The following VAV3 variants were observed in gnomAD, a reference collection of about 807,000 sequenced individuals.
VAV3 encodes the protein guanine nucleotide exchange factor VAV3.
VAV3 carries 94 observed loss-of-function variants against 131.2 expected under a neutral mutation model. That is an observed-to-expected ratio of 0.72 (90% CI 0.61 to 0.85). The LOEUF is 0.85. Ranked by LOEUF, VAV3 falls within the 40% of genes least tolerant of loss-of-function variation. VAV3 has a pLI of 0.00. For missense variants in VAV3, 939 were observed against 1,002.7 expected (o/e 0.94, Z 0.86); for synonymous variants, 349 against 342.0 (o/e 1.02, Z -0.22).
At chr1:107,662,626 C>T (rs1657106283) in intron 19 of VAV3, among the ~76,000 whole-genome samples, 1 of 152,120 alleles carries the variant, frequency 6.6e-6, no homozygotes, top group African/African-American at 2.4e-5. Flanking sequence ...CTTCTTATAG[C>T]CCAAATGCAA....
intron 20 of VAV3, among the ~76,000 whole-genome samples, chr1:107,638,506 T>C (rs1655099274): frequency 6.6e-6 from 1 of 152,146 alleles, no homozygotes; most frequent in African/African-American, 2.4e-5. Flanking sequence ...CTCTGAAAAC[T>C]GCAAAACACT....
chr1:107,950,300 G>A (rs1469616319), intron 1 of VAV3, among the ~76,000 whole-genome samples: 1 of 152,168 alleles, frequency 6.6e-6, no homozygotes, highest in East Asian at 1.9e-4. Context: ...TGTAAAGTTT[G>A]GCACAGTTGC....
intron 23 of VAV3, 58 bp downstream of exon 23, chr1:107,602,989 G>T: frequency 2.2e-6 from 3 of 1,386,728 alleles, no homozygotes; most frequent in South Asian, 1.2e-5. Flanking sequence ...ATGTCAGATG[G>T]TCTATGCAAT....
At chr1:107,734,417 T>C (rs1353353218) in intron 15 of VAV3, among the ~76,000 whole-genome samples, 2 of 152,078 alleles carry the variant, frequency 1.3e-5, no homozygotes, top group Non-Finnish European at 2.9e-5. Flanking sequence ...GACTGTCAAA[T>C]AGGATAAAGA....
chr1:107,888,006 G>GC (rs1671119370), intron 1 of VAV3, among the ~76,000 whole-genome samples: 1 of 149,184 alleles, frequency 6.7e-6, no homozygotes, highest in Admixed American at 6.7e-5. Context: ...CAAAAATTTG[G>GC]GGGGGGGGTT....
chr1:107,668,049 C>T (rs558450397), intron 19 of VAV3, among the ~76,000 whole-genome samples: 69 of 152,224 alleles, frequency 4.5e-4, no homozygotes, highest in African/African-American at 1.6e-3. Flanking sequence ...AGCAACCCTG[C>T]CTTAAGCCTT....
At chr1:107,746,902 C>T (rs752916114) in intron 15 of VAV3, among the ~76,000 whole-genome samples, 2 of 148,646 alleles carry the variant, frequency 1.3e-5, no homozygotes, top group Non-Finnish European at 3.0e-5. Context: ...TTTTTCAAGA[C>T]GGAGTCTCAG....
intron 1 of VAV3, among the ~76,000 whole-genome samples, chr1:107,879,093 T>C (rs1404269053): frequency 1.3e-5 from 2 of 152,190 alleles, no homozygotes; most frequent in Non-Finnish European, 2.9e-5. Context: ...AATTGGTTCA[T>C]GTTTCCTTTC....
rs544621217 is a variant in VAV3, at chr1:107,865,516, A to G, written c.321+9385T>C. ...AATATTAATCAATATTAATCTGGTG[A>G]GTCATGATGATTTATAATTTGGAAG... On this transcript the variant is annotated intron_variant, in intron 2 of 26. Coordinates refer to ENST00000370056, the MANE Select transcript of VAV3 (RefSeq NM_006113.5). Among the ~76,000 whole-genome samples the G allele has an allele frequency of 5.9e-5, 9 of 152,310 alleles. No individual in the cohort carries two copies. The South Asian group carries it at 1.9e-3, about 32-fold the overall frequency.
At chr1:107,785,376 C>A in intron 2 of VAV3, 3 of 1,233,124 alleles carry the variant, frequency 2.4e-6, no homozygotes, top group Non-Finnish European at 3.2e-6. Context: ...ACCACTTAAC[C>A]CATACCAGAC....
intron 2 of VAV3, among the ~76,000 whole-genome samples, chr1:107,872,970 T>C (rs1468847117): frequency 2.6e-5 from 4 of 152,206 alleles, no homozygotes; most frequent in Non-Finnish European, 5.9e-5. Flanking sequence ...TATGAAGCTA[T>C]ATCACAAATT....
intron 4 of VAV3, 73 bp from the exon 5 acceptor site, chr1:107,772,916 G>A: frequency 1.6e-6 from 2 of 1,256,664 alleles, no homozygotes; most frequent in South Asian, 1.4e-5. Flanking sequence ...TAGCCTACTG[G>A]ATTTTAGTAA....
chr1:107,798,326 C>T (rs1666650375), intron 2 of VAV3, among the ~76,000 whole-genome samples: 1 of 152,260 alleles, frequency 6.6e-6, no homozygotes, highest in Middle Eastern at 3.4e-3. Context: ...TGTTCTCACA[C>T]CTGACCACTG....
At chr1:107,672,599 GA>G (rs1185129504) in intron 19 of VAV3, among the ~76,000 whole-genome samples, 5 of 151,086 alleles carry the variant, frequency 3.3e-5, no homozygotes, top group East Asian at 3.9e-4. Context: ...AAATACACCA[GA>G]AAAAAAATAT....
At chr1:107,678,616 TCAA>T (rs1658384052) in intron 19 of VAV3, among the ~76,000 whole-genome samples, 1 of 152,092 alleles carries the variant, frequency 6.6e-6, no homozygotes, top group Admixed American at 6.5e-5. Flanking sequence ...CTAAAAGAAA[TCAA>T]CAATTCTGTT....
At chr1:107,594,300 A>G (rs931392262) in intron 25 of VAV3, among the ~76,000 whole-genome samples, 29 of 152,130 alleles carry the variant, frequency 1.9e-4, no homozygotes, top group African/African-American at 7.0e-4. Flanking sequence ...CTTAATTGCT[A>G]TATCCCAGAA....
At chr1:107,952,840 G>A (rs897442570) in intron 1 of VAV3, among the ~76,000 whole-genome samples, 21 of 152,098 alleles carry the variant, frequency 1.4e-4, no homozygotes, top group African/African-American at 5.1e-4. Context: ...TTAAATAATT[G>A]CTTCACTTGC....
intron 25 of VAV3, 58 bp downstream of exon 25, chr1:107,596,154 T>C: frequency 6.3e-7 from 1 of 1,588,282 alleles, no homozygotes; most frequent in South Asian, 1.2e-5. Context: ...ATGTTTAATG[T>C]TATTGTGCCC....
At chr1:107,810,685 T>C (rs1424850121) in intron 2 of VAV3, among the ~76,000 whole-genome samples, 1 of 152,186 alleles carries the variant, frequency 6.6e-6, no homozygotes, top group Non-Finnish European at 1.5e-5. Flanking sequence ...TGAACAATCC[T>C]ATTTTTCTAT....
Sources: allele counts gnomAD v4.1 joint callset (sites outside exome capture counted in the v4.1 genomes callset), GRCh38; gene constraint gnomAD v4.1.1; transcripts MANE v1.5; gene names NCBI Gene and HGNC (gene_info 2026-07-23, HGNC 2026-07-21).